The following MYH14 variants were observed in gnomAD, a reference collection of about 807,000 sequenced individuals.
MYH14 encodes the protein myosin-14.
In MYH14, 123 loss-of-function variants were observed where a neutral mutation model predicts 255.5. The ratio of observed to expected loss-of-function variants is 0.48; its 90% CI spans 0.42 to 0.56. MYH14 has a LOEUF of 0.56. MYH14 is among the 20% of genes least tolerant of loss of function. MYH14 has a pLI of 0.00. For missense variants in MYH14, 2,423 were observed against 2,802.3 expected (o/e 0.86, Z 3.06); for synonymous variants, 1,095 against 1,161.2 (o/e 0.94, Z 1.16).
Position 50,276,875 on chromosome 19 carries a change from G to T in MYH14, c.3799G>T (p.Ala1267Ser), listed in dbSNP as rs376485732. The T allele has an allele frequency of 1.2e-6, 2 of 1,611,420 alleles. No individual in the cohort carries two copies. Among genetic ancestry groups the T allele is most frequent in the African/African-American group, 2.7e-5 (2 of 74,754 alleles). ...CCACGGCCAGGCCCTGGGGGAGCTG[G>T]CGGAGCAGCTGGAGCAGGCCCGGAG... is the stretch of plus-strand genomic sequence containing the variant. ...QRHGQALGEL[A>S]EQLEQARRGK... is the part of the protein sequence containing the mutation. Residue 1267 changes from alanine to serine, a missense_variant, in exon 29 of 43, where the codon GCG (alanine) becomes TCG (serine). This residue lies in a region of MYH14 where 1,513 missense variants were observed against 1,674.8 expected (regional missense o/e 0.90). Coordinates refer to ENST00000642316, the MANE Select transcript of MYH14 (RefSeq NM_001145809.2). This position sits in a 1 kb window ranked among gnomAD's most constrained non-coding sequence, Gnocchi z 4.3.
Position 50,221,146 on chromosome 19 carries a change from G to A in MYH14, c.563-1937G>A, listed in dbSNP as rs1316462486. Among the ~76,000 whole-genome samples the A allele has an allele frequency of 6.6e-6, 1 of 152,102 alleles. No individual in the cohort carries two copies. The highest frequency in any genetic ancestry group is 1.9e-4 in the East Asian group (1 of 5,188). On this transcript the variant is annotated intron_variant, in intron 3 of 42. Coordinates refer to ENST00000642316, the MANE Select transcript of MYH14 (RefSeq NM_001145809.2). The surrounding 1 kb of genome is among the most constrained non-coding windows in gnomAD (Gnocchi z 5.3). ...ACCGCCTCCCTGTATGTCACACTGT[G>A]TGTTATATTTCCTCCTGTGCCGTGC... is the stretch of plus-strand genomic sequence containing the variant.
intron 6 of MYH14, among the ~76,000 whole-genome samples, 156 bp from the exon 7 acceptor site, chr19:50,225,429 G>A (rs2033041841): frequency 6.6e-6 from 1 of 152,146 alleles, no homozygotes; most frequent in South Asian, 2.1e-4. Flanking sequence ...AGACAGATGG[G>A]CAAGACCCGG....
At chr19:50,289,784 T>C (rs1355625818) in intron 35 of MYH14, 136 bp downstream of exon 35, 2 of 760,746 alleles carry the variant, frequency 2.6e-6, no homozygotes, top group Admixed American at 2.2e-5. Context: ...GACCACTCAG[T>C]ATCTCCCCAA....
chr19:50,274,087 A>C (rs2035417263), intron 27 of MYH14, among the ~76,000 whole-genome samples: 1 of 152,216 alleles, frequency 6.6e-6, no homozygotes, highest in African/African-American at 2.4e-5. Flanking sequence ...TGTGAGGGTT[A>C]AAGAAGAAAG....
chr19:50,301,781 G>T lies in MYH14; in HGVS notation c.5590G>T (p.Ala1864Ser). 1.2e-6 allele frequency: 2 copies of T among 1,613,758 alleles called. No individual in the cohort carries two copies. Among genetic ancestry groups the T allele is most frequent in the Non-Finnish European group, 1.7e-6 (2 of 1,179,818 alleles). Reference protein sequence around the residue: ...ELRGRLGEEDAGARARHKMTI... With the variant: ...ELRGRLGEEDSGARARHKMTI... ...ACGGGGACGCCTGGGTGAGGAGGAT[G>T]CTGGGGCCCGTGCCCGCCACAAGAT... Residue 1864 changes from alanine (A) to serine (S), a missense_variant, in exon 40 of 43, where the codon GCT becomes TCT. By Grantham distance (99) the Ala-to-Ser change is moderately conservative. Transcript: ENST00000642316.
chr19:50,231,869 C>T, intron 9 of MYH14, 61 bp from the exon 10 acceptor site: 1 of 1,602,434 alleles, frequency 6.2e-7, no homozygotes, highest in Non-Finnish European at 8.5e-7. Flanking sequence ...ACCGATGAAT[C>T]CAGGATGAGT....
chr19:50,237,677 G>A (rs972036455), intron 10 of MYH14, among the ~76,000 whole-genome samples: 8 of 152,248 alleles, frequency 5.3e-5, no homozygotes, highest in African/African-American at 1.9e-4. Context: ...TGTCCACAGG[G>A]TGGCGCTAGT....
chr19:50,242,369 C>T (rs969861363), intron 10 of MYH14, among the ~76,000 whole-genome samples: 4 of 152,216 alleles, frequency 2.6e-5, no homozygotes, highest in Admixed American at 2.0e-4. Context: ...CACAGTTCCA[C>T]GTGGCTGGGG....
chr19:50,270,061 C>T (rs998896604), intron 24 of MYH14, among the ~76,000 whole-genome samples: 2 of 152,076 alleles, frequency 1.3e-5, no homozygotes, highest in Non-Finnish European at 2.9e-5. Context: ...AAAACAAAAA[C>T]ACAAAAATTA....
At position 50,244,459 on chromosome 19, in the gene MYH14, G is replaced by C. The variant is rs1020980885; in HGVS notation, c.1210+122G>C. 8 of 703,998 alleles carry C rather than the reference G, an allele frequency of 1.1e-5. No homozygotes were observed. In the South Asian group the frequency reaches 1.2e-4, roughly 11 times the overall value. 43.6% of individuals were successfully genotyped at this position (703,998 alleles called of 1,614,324 possible). ...TCCAGCCACACCTGTCTCCAACCCA[G>C]GATCACTCTGATTTCCTGCATTTTT... On this transcript the variant is annotated intron_variant, in intron 11 of 42. Transcript: ENST00000642316.
In MYH14 at chr19:50,272,992, A is replaced by T. The variant is rs74255815; in HGVS notation, c.3467+261A>T. Among the ~76,000 whole-genome samples, 939 of 152,324 alleles carry T rather than the reference A, an allele frequency of 6.2e-3. 44 individuals are homozygous for T. The East Asian group carries it at 0.12, about 20-fold the overall frequency. On this transcript the variant is annotated intron_variant, in intron 27 of 42. Transcript: ENST00000642316. ...TGCATAACAGTGCACAATGGGAACA[A>T]GAAAATGCTATTTCTAGGCCAAGTA... is the stretch of plus-strand genomic sequence containing the variant.
chr19:50,275,111 G>C (rs2035456528), intron 27 of MYH14, among the ~76,000 whole-genome samples: 1 of 152,162 alleles, frequency 6.6e-6, no homozygotes, highest in Non-Finnish European at 1.5e-5. Context: ...TGGTAAAGGG[G>C]AGTGTTCATC....
At chr19:50,270,397 G>A (rs748532849) in intron 24 of MYH14, among the ~76,000 whole-genome samples, 2 of 151,668 alleles carry the variant, frequency 1.3e-5, no homozygotes, top group Non-Finnish European at 2.9e-5. Context: ...GCGGGTGCCT[G>A]TAATCCCAGC....
At chr19:50,246,921 G>A (rs1012485323) in intron 11 of MYH14, 83 bp from the exon 12 acceptor site, 1 of 957,536 alleles carries the variant, frequency 1.0e-6, no homozygotes, top group Non-Finnish European at 1.6e-6. Flanking sequence ...CCCCAACAGT[G>A]TGGGAAACGG....
intron 2 of MYH14, among the ~76,000 whole-genome samples, chr19:50,211,135 C>A (rs770635780): frequency 5.9e-5 from 9 of 152,044 alleles, no homozygotes; most frequent in Non-Finnish European, 1.3e-4. Context: ...AGGTTCAAGA[C>A]CAGCCTGGGC....
In MYH14 at chr19:50,290,883, C is replaced by T; in HGVS notation, c.4966-4C>T. 1.3e-6 allele frequency: 2 copies of T among 1,554,292 alleles called. No individual in the cohort carries two copies. The highest frequency in any genetic ancestry group is 1.7e-6 in the Non-Finnish European group (2 of 1,149,664). On this transcript the variant is annotated splice_polypyrimidine_tract_variant and splice_region_variant and intron_variant, in intron 35 of 42. Transcript: ENST00000642316. ...GACCCGGTCCCTCCTGACCTCCTCT[C>T]CAGCTGAGAGATGCAGAGGTGGAGC... is the stretch of plus-strand genomic sequence containing the variant.
At chr19:50,248,954 G>A (rs751647464) in intron 12 of MYH14, 33 bp from the exon 13 acceptor site, 1 of 1,611,176 alleles carries the variant, frequency 6.2e-7, no homozygotes, top group Non-Finnish European at 8.5e-7. Context: ...CTGATGTGCA[G>A]GCTGCGCCCT....
At chr19:50,258,798 G>A (rs1057061021) in intron 18 of MYH14, 5 of 233,032 alleles carry the variant, frequency 2.1e-5, no homozygotes, top group Admixed American at 5.7e-5. Context: ...GCTTTGGACA[G>A]ACATCAGCTT....
chr19:50,289,560 C>T lies in MYH14; in HGVS notation c.4877C>T (p.Thr1626Ile), dbSNP rs1224227651. 2.5e-6 allele frequency: 4 copies of T among 1,612,926 alleles called. No homozygotes were observed. The African/African-American group carries it at 5.3e-5, about 22-fold the overall frequency. The stretch of plus-strand genomic sequence containing the variant: ...GATGCCAAGCTGCGTCTGGAGGTGA[C>T]TGTGCAGGCTCTCAAGACTCAGCAT... ...AEDAKLRLEV[T>I]VQALKTQHER... Residue 1626 changes from threonine (T) to isoleucine (I), a missense_variant, in exon 35 of 43, where the codon ACT becomes ATT. By Grantham distance (89) the Thr-to-Ile change is moderately conservative. Transcript: ENST00000642316.
Sources: gnomAD v4.1 joint callset for allele counts (sites outside exome capture counted in the v4.1 genomes callset) on GRCh38, gnomAD v4.1.1 for gene constraint, gnomAD v4.1.1 regional missense constraint, Gnocchi (gnomAD v3.1) non-coding constraint, MANE v1.5 for transcripts, NCBI Gene and HGNC (gene_info 2026-07-23, HGNC 2026-07-21) for gene names.